Variants in LGALS1 observed in about 807,000 individuals in gnomAD.
LGALS1 encodes the protein galectin-1.
Under a neutral mutation model 14.4 loss-of-function variants are expected in LGALS1, and 14 were observed. That is an observed-to-expected ratio of 0.97 (90% CI 0.64 to 1.52). The LOEUF (loss-of-function observed/expected upper bound fraction) is 1.52, where lower values mean the gene tolerates loss of function less well. Among genes scored for constraint, LGALS1 ranks in the 40% most tolerant of loss-of-function variants. The pLI, the probability that LGALS1 is intolerant of heterozygous loss-of-function variation, is 0.00. For synonymous variants in LGALS1, 71 were observed against 73.4 expected (o/e 0.97, Z 0.17); for missense variants, 170 against 181.4 (o/e 0.94, Z 0.36).
At chr22:37,679,556 G>A (rs1437658201) in intron 3 of LGALS1, 47 bp from the exon 4 acceptor site, 2 of 1,497,430 alleles carry the variant, frequency 1.3e-6, no homozygotes, top group East Asian at 5.1e-5. Context: ...GGTTCTGGAA[G>A]GGCCCATGGC....
rs768177890 is a variant in LGALS1, at chr22:37,677,019, G to A, written c.43G>A (p.Gly15Arg). The change falls in exon 2 of 4, where the codon GGA becomes AGA. Residue 15 changes from glycine to arginine, a missense_variant. Physicochemically the swap from Gly to Arg is moderately radical, Grantham distance 125. Transcript: ENST00000215909. ...CGCCAGCAACCTGAATCTCAAACCT[G>A]GAGAGTGCCTTCGAGTGCGAGGCGA... ...LVASNLNLKP[G>R]ECLRVRGEVA... 1.2e-6 allele frequency: 2 copies of A among 1,613,998 alleles called. No homozygotes were observed. The highest frequency in any genetic ancestry group is 1.3e-5 in the African/African-American group (1 of 74,940).
chr22:37,676,960 G>A (rs976223603), intron 1 of LGALS1, 26 bp from the exon 2 acceptor site: 2 of 1,610,914 alleles, frequency 1.2e-6, no homozygotes, highest in Non-Finnish European at 1.7e-6. Context: ...CCTCTAACCC[G>A]GCTGGGCCGG....
rs994568761 is a variant in LGALS1 at position 37,679,757 on chromosome 22, C to T, written c.*8C>T. On this transcript the variant is annotated 3_prime_UTR_variant, in exon 4 of 4. Transcript: ENST00000215909. ...TGTGTGGCCTTTGACTGAAATCAGC[C>T]AGCCCATGGCCCCCAATAAAGGCAG... is the stretch of plus-strand genomic sequence containing the variant. 2.5e-6 allele frequency: 4 copies of T among 1,580,280 alleles called. No homozygotes were observed. Among genetic ancestry groups the T allele is most frequent in the Non-Finnish European group, 3.4e-6 (4 of 1,160,690 alleles).
intron 1 of LGALS1, chr22:37,676,267 G>C (rs983646433): frequency 6.5e-6 from 1 of 152,894 alleles, no homozygotes; most frequent in East Asian, 1.9e-4. Context: ...CCCCAAGCTG[G>C]GAGGTTGGGG....
chr22:37,675,845 C>A, intron 1 of LGALS1, 134 bp downstream of exon 1: 2 of 710,566 alleles, frequency 2.8e-6, no homozygotes, highest in Non-Finnish European at 4.4e-6. Context: ...CTTTTCTGGA[C>A]CTCAGTGGCC....
At chr22:37,678,694 TG>T in intron 3 of LGALS1, 40 bp downstream of exon 3, 3 of 136,618 alleles carry the variant, frequency 2.2e-5, no homozygotes, top group Non-Finnish European at 2.9e-5. Context: ...GGACAGGGGC[TG>T]GGTGGGCTGG....
chr22:37,676,913 A>C (rs2145788614), intron 1 of LGALS1, 73 bp from the exon 2 acceptor site: 5 of 1,450,618 alleles, frequency 3.4e-6, no homozygotes, highest in Non-Finnish European at 4.8e-6. Flanking sequence ...TCCCACCCCC[A>C]GCCACCCCCG....
intron 3 of LGALS1, 126 bp downstream of exon 3, chr22:37,678,780 G>A: frequency 1.1e-6 from 1 of 915,214 alleles, no homozygotes; most frequent in East Asian, 2.7e-5. Context: ...CTTCCTGTGT[G>A]ATGGCCAGTG....
Position 37,675,657 on chromosome 22 carries a change from C to G in LGALS1, c.-46C>G. 6.5e-7 allele frequency: 1 copy of G among 1,547,944 alleles called. No homozygotes were observed. The highest frequency in any genetic ancestry group is 8.7e-7 in the Non-Finnish European group (1 of 1,146,248). On this transcript the variant is annotated 5_prime_UTR_variant, in exon 1 of 4. Coordinates refer to ENST00000215909, the MANE Select transcript of LGALS1 (RefSeq NM_002305.4). Reference sequence around the variant, plus strand: ...GCCCATCTCTCTCGGGTGGAGTCTTCTGACAGCTGGTGCGCCTGCCCGGGA... The same window carrying G: ...GCCCATCTCTCTCGGGTGGAGTCTTGTGACAGCTGGTGCGCCTGCCCGGGA...
intron 1 of LGALS1, 62 bp downstream of exon 1, chr22:37,675,773 G>T: frequency 7.1e-7 from 1 of 1,404,394 alleles, no homozygotes; most frequent in South Asian, 1.5e-5. Context: ...GGCCAGAGGA[G>T]AGCTGGGCAG....
At chr22:37,675,780 G>A (rs1047712559) in intron 1 of LGALS1, 69 bp downstream of exon 1, 23 of 1,378,888 alleles carry the variant, frequency 1.7e-5, no homozygotes, top group Non-Finnish European at 1.9e-5. Context: ...GGAGAGCTGG[G>A]CAGATCGGGA....
chr22:37,676,807 C>A (rs1337192404), intron 1 of LGALS1, 179 bp from the exon 2 acceptor site: 5 of 711,484 alleles, frequency 7.0e-6, no homozygotes, highest in Non-Finnish European at 1.3e-5. Flanking sequence ...TTTCCCAGGA[C>A]CACATAGACA....
chr22:37,678,016 C>T (rs1237425557), intron 2 of LGALS1, among the ~76,000 whole-genome samples: 1 of 152,128 alleles, frequency 6.6e-6, no homozygotes, highest in African/African-American at 2.4e-5. Flanking sequence ...AACTCCTGAC[C>T]TCATGATCTG....
intron 2 of LGALS1, chr22:37,678,273 C>G (rs1921506970): frequency 1.4e-6 from 1 of 696,358 alleles, no homozygotes; most frequent in African/African-American, 1.8e-5. Context: ...ATCAAGCGAG[C>G]CCTCCTGTGC....
intron 1 of LGALS1, among the ~76,000 whole-genome samples, chr22:37,676,350 A>C (rs867186582): frequency 2.0e-5 from 3 of 151,934 alleles, no homozygotes; most frequent in South Asian, 4.2e-4. Context: ...AACCACTCAA[A>C]CCAGTTAACT....
At chr22:37,676,007 G>A (rs1921411974) in intron 1 of LGALS1, 4 of 332,158 alleles carry the variant, frequency 1.2e-5, no homozygotes, top group Non-Finnish European at 1.7e-5. Flanking sequence ...GGAAGGGTGT[G>A]GCCAACTGGG....
intron 2 of LGALS1, 70 bp from the exon 3 acceptor site, chr22:37,678,413 G>A: frequency 6.6e-7 from 1 of 1,523,640 alleles, no homozygotes; most frequent in Non-Finnish European, 9.1e-7. Flanking sequence ...GGGATACTGA[G>A]TGACAGATTA....
chr22:37,675,843 G>C (rs1367579375), intron 1 of LGALS1, 132 bp downstream of exon 1: 1 of 734,864 alleles, frequency 1.4e-6, no homozygotes, highest in African/African-American at 1.8e-5. Flanking sequence ...CTCTTTTCTG[G>C]ACCTCAGTGG....
chr22:37,679,713 C>T lies in LGALS1; in HGVS notation c.372C>T (p.Asp124=), dbSNP rs144209959. The part of the protein sequence containing the change: ...NLEAINYMAA[D]GDFKIKCVAF... ...AGGCCATCAACTACATGGCAGCTGA[C>T]GGTGACTTCAAGATCAAATGTGTGG... The change falls in exon 4 of 4, where the codon GAC becomes GAT. Residue 124 remains aspartate, a synonymous_variant. Transcript: ENST00000215909. The T allele has an allele frequency of 4.7e-4, 748 of 1,608,230 alleles. 3 individuals carry two copies. Among genetic ancestry groups the T allele is most frequent in the Middle Eastern group, 3.6e-3 (22 of 6,046 alleles).
Sources: gnomAD v4.1 joint callset for allele counts (sites outside exome capture counted in the v4.1 genomes callset) on GRCh38, gnomAD v4.1.1 for gene constraint, MANE v1.5 for transcripts, NCBI Gene and HGNC (gene_info 2026-07-23, HGNC 2026-07-21) for gene names.